The following TAF3 variants were observed in gnomAD, a reference collection of about 807,000 sequenced individuals.
TAF3 encodes transcription initiation factor TFIID subunit 3.
TAF3 carries 7 observed loss-of-function variants against 80.6 expected under a neutral mutation model. The ratio of observed to expected loss-of-function variants is 0.09; its 90% confidence interval spans 0.05 to 0.16. The LOEUF (loss-of-function observed/expected upper bound fraction) is 0.16, where lower values mean the gene tolerates loss of function less well. Among genes scored for constraint, TAF3 ranks in the 10% least tolerant of loss-of-function variants. TAF3 has a pLI of 1.00. For synonymous variants in TAF3, 444 were observed against 446.1 expected (o/e 1.00, Z 0.06); for missense variants, 921 against 1,140.2 (o/e 0.81, Z 2.77).
chr10:7,845,485 T>A (rs1341597686), intron 2 of TAF3, among the ~76,000 whole-genome samples: 2 of 152,256 alleles, frequency 1.3e-5, no homozygotes, highest in African/African-American at 4.8e-5. Flanking sequence ...TAAAATGCAC[T>A]GAAATGATTT....
At chr10:7,821,510 T>A (rs552032454) in intron 1 of TAF3, among the ~76,000 whole-genome samples, 62 of 152,360 alleles carry the variant, frequency 4.1e-4, no homozygotes, top group African/African-American at 1.4e-3. Context: ...CTGATGGTGT[T>A]TGTTTCTTCT....
At chr10:7,858,162 A>G (rs1049929439) in intron 2 of TAF3, among the ~76,000 whole-genome samples, 4 of 152,194 alleles carry the variant, frequency 2.6e-5, no homozygotes, top group African/African-American at 7.2e-5. Flanking sequence ...TTCAAAATAT[A>G]TAATCAAAAT....
At position 8,015,470 on chromosome 10, in the gene TAF3, T is replaced by G. The variant is rs1226919135; in HGVS notation, c.*719T>G. 6.6e-6 allele frequency: 1 copy of G among 152,226 alleles called. No individual in the cohort carries two copies. Among genetic ancestry groups the G allele is most frequent in the Non-Finnish European group, 1.5e-5 (1 of 68,030 alleles). 9.4% of individuals were successfully genotyped at this position (152,226 alleles called of 1,614,324 possible). On this transcript the variant is annotated 3_prime_UTR_variant, in exon 7 of 7. Transcript: ENST00000344293. ...GGAGTCTCTTCTCACTGCTTGTACA[T>G]TTCATCAACTTGTATAAAAACTCTT... is the stretch of plus-strand genomic sequence containing the variant.
At chr10:8,006,177 A>T (rs1188113217) in intron 4 of TAF3, among the ~76,000 whole-genome samples, 50 of 106,250 alleles carry the variant, frequency 4.7e-4, no homozygotes, top group African/African-American at 1.4e-3. Flanking sequence ...TGAAAAAAAA[A>T]ATACACACAC....
At chr10:7,988,941 A>T (rs981705311) in intron 4 of TAF3, among the ~76,000 whole-genome samples, 5 of 151,748 alleles carry the variant, frequency 3.3e-5, no homozygotes, top group Non-Finnish European at 5.9e-5. Flanking sequence ...CACAGTAAAA[A>T]TTTTTTCTGT....
At chr10:7,972,834 C>T (rs763108000) in intron 3 of TAF3, among the ~76,000 whole-genome samples, 5 of 152,184 alleles carry the variant, frequency 3.3e-5, no homozygotes, top group Non-Finnish European at 5.9e-5. Flanking sequence ...TGTCAGTTTC[C>T]ATATAAACTA....
intron 2 of TAF3, among the ~76,000 whole-genome samples, chr10:7,922,545 A>G (rs2131190149): frequency 6.6e-6 from 1 of 152,250 alleles, no homozygotes; most frequent in African/African-American, 2.4e-5. Flanking sequence ...AGTTGTTCTT[A>G]TGTTAAGTAA....
intron 4 of TAF3, among the ~76,000 whole-genome samples, chr10:7,982,999 A>C (rs1831740401): frequency 6.6e-6 from 1 of 152,234 alleles, no homozygotes; most frequent in African/African-American, 2.4e-5. Context: ...AAGTAACAGA[A>C]ATCCAAATCA....
intron 2 of TAF3, among the ~76,000 whole-genome samples, chr10:7,884,905 C>T (rs1837394578): frequency 6.6e-6 from 1 of 152,088 alleles, no homozygotes; most frequent in Admixed American, 6.5e-5. Flanking sequence ...TATCATACAG[C>T]TCACTATCTG....
chr10:7,897,408 G>A (rs908923515), intron 2 of TAF3, among the ~76,000 whole-genome samples: 1 of 152,078 alleles, frequency 6.6e-6, no homozygotes, highest in Admixed American at 6.5e-5. Context: ...ATTCTGATCC[G>A]TTCTGAATCC....
chr10:7,895,826 G>A (rs898382793), intron 2 of TAF3, among the ~76,000 whole-genome samples: 4 of 152,126 alleles, frequency 2.6e-5, no homozygotes, highest in Admixed American at 6.5e-5. Flanking sequence ...GAAAATGTGC[G>A]CAGTTTTTCT....
chr10:7,926,304 C>G (rs1046546969), intron 2 of TAF3, among the ~76,000 whole-genome samples: 3 of 152,010 alleles, frequency 2.0e-5, no homozygotes, highest in African/African-American at 7.3e-5. Flanking sequence ...GGATTGGCCA[C>G]TACGATGTTG....
chr10:7,990,344 G>A (rs2131427885), intron 4 of TAF3, among the ~76,000 whole-genome samples: 1 of 152,278 alleles, frequency 6.6e-6, no homozygotes, highest in East Asian at 1.9e-4. Flanking sequence ...TTAAAGCCAA[G>A]TGAGCAAGGC....
intron 3 of TAF3, among the ~76,000 whole-genome samples, chr10:7,968,472 GA>G (rs1373244271): frequency 1.3e-5 from 2 of 152,160 alleles, no homozygotes; most frequent in African/African-American, 4.8e-5. Flanking sequence ...AGCAGACCTG[GA>G]ATAAGATCCA....
chr10:7,994,050 C>G (rs755199184), intron 4 of TAF3, among the ~76,000 whole-genome samples: 1 of 141,296 alleles, frequency 7.1e-6, no homozygotes, highest in Non-Finnish European at 1.5e-5. Context: ...TCTCTGCTCC[C>G]CCTACCCCTT....
intron 1 of TAF3, among the ~76,000 whole-genome samples, chr10:7,822,035 G>C (rs956749005): frequency 1.1e-4 from 16 of 152,124 alleles, no homozygotes; most frequent in African/African-American, 3.9e-4. Flanking sequence ...GGTTATGGAA[G>C]GACTTGAAAG....
intron 2 of TAF3, among the ~76,000 whole-genome samples, chr10:7,936,090 A>C (rs531494770): frequency 2.0e-5 from 3 of 152,248 alleles, no homozygotes; most frequent in Non-Finnish European, 4.4e-5. Context: ...AACAGAGAGA[A>C]GACGTGACTC....
chr10:7,859,260 CAATAAATAAATAAATAAATAAATAAATA>C (rs145110594), intron 2 of TAF3, among the ~76,000 whole-genome samples: 5 of 134,292 alleles, frequency 3.7e-5, no homozygotes, highest in African/African-American at 5.6e-5. Flanking sequence ...GACTCCATCT[CAATAAATAAATAAATAAATAAATAAATA>C]AATAAATAAA....
chr10:7,913,970 G>A (rs1837681102), intron 2 of TAF3, among the ~76,000 whole-genome samples: 1 of 152,022 alleles, frequency 6.6e-6, no homozygotes, highest in East Asian at 1.9e-4. Context: ...TCAGTGGCAT[G>A]AAAAAAAGAG....
Sources: gnomAD v4.1 joint callset for allele counts (sites outside exome capture counted in the v4.1 genomes callset) on GRCh38, gnomAD v4.1.1 for gene constraint, MANE v1.5 for transcripts, NCBI Gene and HGNC (gene_info 2026-07-23, HGNC 2026-07-21) for gene names.